RASEF: variants seen among roughly 807,000 people sequenced by gnomAD.
RASEF encodes the protein RAS and EF-hand domain containing, also known as ras and EF-hand domain-containing protein.
Under a neutral mutation model 90.1 loss-of-function variants are expected in RASEF, and 68 were observed. The ratio of observed to expected loss-of-function variants is 0.75; its 90% CI spans 0.62 to 0.92. The LOEUF (loss-of-function observed/expected upper bound fraction) is 0.92, where lower values mean the gene tolerates loss of function less well. Among genes scored for constraint, RASEF ranks in the 40% least tolerant of loss-of-function variants. The pLI is 0.00. For missense variants in RASEF, 949 were observed against 937.2 expected, an observed-to-expected ratio of 1.01 and a Z score of -0.16; for synonymous variants, 331 against 345.2, an observed-to-expected ratio of 0.96 and a Z score of 0.46.
chr9:83,064,976 G>A (rs1032644361), upstream of RASEF, among the ~76,000 whole-genome samples: 2 of 152,170 alleles, frequency 1.3e-5, no homozygotes, highest in East Asian at 3.8e-4. Context: ...GCTGAGGCAG[G>A]AGAATCACTC....
Position 83,000,150 on chromosome 9 carries a change from A to T in RASEF, c.1723+19T>A, listed in dbSNP as rs917002886. On this transcript the variant is annotated intron_variant, in intron 12 of 16. Transcript: ENST00000376447. ...AAGGAAGGTCATTTTCCCATTATCA[A>T]CCGAAATACGAGCCATACCCAGGGT... 1 of 1,607,996 alleles carries T rather than the reference A, an allele frequency of 6.2e-7. No individual in the cohort carries two copies. Among genetic ancestry groups the T allele is most frequent in the Non-Finnish European group, 8.5e-7 (1 of 1,177,848 alleles).
At chr9:83,178,757 C>T in the RASEF span, among the ~76,000 whole-genome samples, 23 of 152,280 alleles carry the variant, frequency 1.5e-4, no homozygotes, top group African/African-American at 5.1e-4. Flanking sequence ...GCCACCTAAA[C>T]TAGGAATTGA....
chr9:83,106,476 G>A, the RASEF span, among the ~76,000 whole-genome samples: 2 of 152,008 alleles, frequency 1.3e-5, no homozygotes, highest in Non-Finnish European at 2.9e-5. Flanking sequence ...ACCATTCCTG[G>A]GAGACTTCAG....
chr9:83,112,612 A>G, the RASEF span, among the ~76,000 whole-genome samples: 1 of 152,068 alleles, frequency 6.6e-6, no homozygotes, highest in African/African-American at 2.4e-5. Context: ...ACTTGAACCC[A>G]GGAGGTGGAG....
the RASEF span, among the ~76,000 whole-genome samples, chr9:83,203,429 C>A: frequency 1.3e-5 from 2 of 152,232 alleles, no homozygotes; most frequent in African/African-American, 4.8e-5. Flanking sequence ...GCACTCACCA[C>A]AATACCTGGC....
At chr9:83,055,787 C>A in intron 1 of RASEF, 1 of 633,832 alleles carries the variant, frequency 1.6e-6, no homozygotes, top group Non-Finnish European at 2.9e-6. Flanking sequence ...AATATTTGGT[C>A]TCCTAAAACT....
At chr9:83,099,963 T>C in the RASEF span, among the ~76,000 whole-genome samples, 3 of 152,220 alleles carry the variant, frequency 2.0e-5, no homozygotes, top group Admixed American at 2.0e-4. Context: ...TAGCACAGCA[T>C]CCATCATCTT....
the RASEF span, among the ~76,000 whole-genome samples, chr9:83,107,342 C>T: frequency 4.6e-5 from 7 of 152,180 alleles, no homozygotes; most frequent in Admixed American, 2.6e-4. Flanking sequence ...TTTTTCTTAT[C>T]CAATTGTTCC....
intron 15 of RASEF, among the ~76,000 whole-genome samples, chr9:82,991,560 C>T (rs919935421): frequency 3.9e-5 from 6 of 152,028 alleles, no homozygotes; most frequent in African/African-American, 1.4e-4. Context: ...ATGAGAAAAG[C>T]CAGGAAATGG....
At chr9:83,025,666 A>G (rs937789565) in intron 2 of RASEF, 109 bp downstream of exon 2, 1 of 1,106,620 alleles carries the variant, frequency 9.0e-7, no homozygotes, top group Non-Finnish European at 1.3e-6. Flanking sequence ...CAGGCTCAGG[A>G]AGTCCACCTA....
In RASEF at chr9:83,023,166, C is replaced by T. The variant is rs542707673; in HGVS notation, c.579-740G>A. ...AATTTTGAAATTTCACTATATAAAA[C>T]TCACAATGTTATATGTTAAAGTGAG... On this transcript the variant is annotated intron_variant, in intron 2 of 16. Transcript: ENST00000376447. Among the ~76,000 whole-genome samples the T allele has an allele frequency of 6.6e-4, 100 of 152,068 alleles. 4 individuals are homozygous for T. In the South Asian group the frequency reaches 0.021, roughly 31 times the overall value.
chr9:82,984,058 C>T (rs1380981114), intron 16 of RASEF, among the ~76,000 whole-genome samples: 1 of 152,216 alleles, frequency 6.6e-6, no homozygotes, highest in Non-Finnish European at 1.5e-5. Context: ...AAGCACTTAA[C>T]TGAAACTAGC....
At chr9:83,066,920 C>T (rs903884261), upstream of RASEF, among the ~76,000 whole-genome samples, 2 of 152,128 alleles carry the variant, frequency 1.3e-5, no homozygotes, top group Non-Finnish European at 2.9e-5. Flanking sequence ...TTAGTGCTCT[C>T]AAAACATACT....
the RASEF span, among the ~76,000 whole-genome samples, chr9:83,160,512 CT>C: frequency 1.3e-5 from 2 of 152,086 alleles, no homozygotes; most frequent in Non-Finnish European, 2.9e-5. Flanking sequence ...CAAGAGGTGG[CT>C]TGGGCACCGA....
At chr9:83,168,434 T>C in the RASEF span, among the ~76,000 whole-genome samples, 1 of 152,110 alleles carries the variant, frequency 6.6e-6, no homozygotes, top group Admixed American at 6.6e-5. Flanking sequence ...AACCATACAA[T>C]GTGTAATGAT....
At chr9:83,202,376 T>C in the RASEF span, among the ~76,000 whole-genome samples, 131 of 152,250 alleles carry the variant, frequency 8.6e-4, 1 homozygote, top group Middle Eastern at 6.8e-3. Flanking sequence ...TGAAAAACAA[T>C]TGTCAAGCTA....
chr9:83,118,629 T>C, the RASEF span, among the ~76,000 whole-genome samples: 4 of 152,200 alleles, frequency 2.6e-5, no homozygotes, highest in Admixed American at 2.6e-4. Context: ...ATATGGAATA[T>C]TCCTGGGTGT....
At chr9:83,043,802 A>G (rs557518321) in intron 1 of RASEF, among the ~76,000 whole-genome samples, 4 of 152,132 alleles carry the variant, frequency 2.6e-5, no homozygotes, top group African/African-American at 9.6e-5. Flanking sequence ...TCATTTTCTC[A>G]GCAAAGTTTA....
the RASEF span, among the ~76,000 whole-genome samples, chr9:83,135,374 C>T: frequency 1.3e-5 from 2 of 151,948 alleles, no homozygotes; most frequent in African/African-American, 4.8e-5. Context: ...GGAGGGATAG[C>T]ATTAGGAGAT....
Sources: gnomAD v4.1 joint callset for allele counts (sites outside exome capture counted in the v4.1 genomes callset) on GRCh38, gnomAD v4.1.1 for gene constraint, MANE v1.5 for transcripts, NCBI Gene and HGNC (gene_info 2026-07-23, HGNC 2026-07-21) for gene names.